The following PPOX variants were observed in gnomAD, a reference collection of about 807,000 sequenced individuals.
PPOX encodes the protein variegate porphyria.
In PPOX, 23 loss-of-function variants were observed where a neutral mutation model predicts 54.1. The observed-to-expected ratio is 0.43, with a 90% CI of 0.31 to 0.60. PPOX has a LOEUF of 0.60. PPOX is among the 20% of genes least tolerant of loss of function. The pLI is 0.13. For synonymous variants in PPOX, 224 were observed against 236.1 expected (o/e 0.95, Z 0.47); for missense variants, 512 against 601.1 (o/e 0.85, Z 1.55).
chr1:161,176,558 C>CT (rs1663599286), intron 4 of PPOX: 1 of 479,268 alleles, frequency 2.1e-6, no homozygotes, highest in South Asian at 2.5e-5. Context: ...ATCCAGCACT[C>CT]CAGCAGCGAA....
At chr1:161,167,545 C>G (rs1273098516) in intron 4 of PPOX, 59 bp downstream of exon 4, 3 of 703,218 alleles carry the variant, frequency 4.3e-6, no homozygotes, top group African/African-American at 4.4e-5. Context: ...CCTTCCATTT[C>G]TTTCTTCTTT....
downstream of PPOX, chr1:161,171,500 C>A: frequency 3.5e-6 from 2 of 579,642 alleles, no homozygotes; most frequent in East Asian, 3.0e-5. Context: ...TCACTCTTCT[C>A]TCCATGGAAG....
downstream of PPOX, chr1:161,175,924 A>C: frequency 6.2e-7 from 1 of 1,614,082 alleles, no homozygotes; most frequent in Non-Finnish European, 8.5e-7. Context: ...AGAATAGTCA[A>C]ATGTCGGTCC....
At chr1:161,175,229 C>A, downstream of PPOX, 1 of 1,611,612 alleles carries the variant, frequency 6.2e-7, no homozygotes, top group Non-Finnish European at 8.5e-7. Context: ...ACAGGACCCA[C>A]TGTTGGGAAG....
downstream of PPOX, chr1:161,175,042 G>A: frequency 1.2e-6 from 2 of 1,614,018 alleles, no homozygotes; most frequent in Non-Finnish European, 1.7e-6. Context: ...CTGCAAGAAG[G>A]GGTGCAGGTG....
At chr1:161,176,811 G>A (rs999251836) in intron 4 of PPOX, 80 of 1,514,336 alleles carry the variant, frequency 5.3e-5, no homozygotes, top group Non-Finnish European at 7.1e-5. Context: ...TTGGGGAGTG[G>A]GGACAGGACA....
In PPOX at chr1:161,169,977, G is replaced by A. The variant is rs1333628011; in HGVS notation, c.940G>A (p.Val314Ile). 2 of 1,614,140 alleles carry A rather than the reference G, an allele frequency of 1.2e-6. No individual in the cohort carries two copies. The highest frequency in any genetic ancestry group is 1.7e-5 in the Admixed American group (1 of 60,020). ...CCTGAGTGCCATCACTGCAGTGTCT[G>A]TAGCTGTGGTGAATCTGCAGTACCA... The part of the protein sequence containing the change: ...RALSAITAVS[V>I]AVVNLQYQGA... The change falls in exon 9 of 13, where the codon GTA becomes ATA. Residue 314 changes from valine to isoleucine, a missense_variant. Val to Ile is a conservative substitution (Grantham distance 29). Coordinates refer to ENST00000367999, the MANE Select transcript of PPOX (RefSeq NM_001122764.3).
At chr1:161,174,875 T>C, downstream of PPOX, 1 of 1,124,450 alleles carries the variant, frequency 8.9e-7, no homozygotes, top group Non-Finnish European at 1.3e-6. Flanking sequence ...CTCCACACTC[T>C]AACAGTCTGG....
At chr1:161,177,464 G>A (rs1420131776), downstream of PPOX, 2 of 173,376 alleles carry the variant, frequency 1.2e-5, no homozygotes, top group Non-Finnish European at 2.5e-5. Flanking sequence ...CCCAACAGCC[G>A]GGCAGGCATC....
chr1:161,166,579 G>A lies in PPOX; in HGVS notation c.-102G>A. The A allele has an allele frequency of 7.0e-7, 1 of 1,420,156 alleles. No individual in the cohort carries two copies. Among genetic ancestry groups the A allele is most frequent in the Non-Finnish European group, 9.2e-7 (1 of 1,089,430 alleles). 88.0% of individuals were successfully genotyped at this position (1,420,156 alleles called of 1,614,324 possible). On this transcript the variant is annotated 5_prime_UTR_variant, in exon 1 of 13. Transcript: ENST00000367999. ...TGCGAGGGCCGATAGCGAGGGTGTG[G>A]CCCTTATCTGCACCCAGCAGAGCGC...
rs1171098005 is a variant in PPOX, at chr1:161,166,684, C to T, written c.-9+12C>T. ...CCTACCTATTGTGGGTGAGTCCTGG[C>T]CCCTGGACGGGGACCTCGCTGTTCC... On this transcript the variant is annotated intron_variant, in intron 1 of 12. Transcript: ENST00000367999. 2.6e-6 allele frequency: 4 copies of T among 1,516,744 alleles called. No homozygotes were observed. In the African/African-American group the frequency reaches 5.5e-5, roughly 21 times the overall value. 94.0% of individuals were successfully genotyped at this position (1,516,744 alleles called of 1,614,324 possible). A position where few individuals can be genotyped will look rare whatever the true frequency, so the allele number is the denominator to read the frequency against.
chr1:161,169,117 G>T lies in PPOX; in HGVS notation c.741G>T (p.Arg247Ser), dbSNP rs149049124. 7.7e-5 allele frequency: 124 copies of T among 1,614,218 alleles called. 1 individual carries two copies. In the African/African-American group the frequency reaches 1.6e-3, roughly 21 times the overall value. ...CCCTTGAAACCCACCTGACTAGTAG[G>T]GGGGTCAGTGTTCTCAGAGGCCAGC... Reference protein sequence around the residue: ...PQALETHLTSRGVSVLRGQPV... With the variant: ...PQALETHLTSSGVSVLRGQPV... Residue 247 changes from arginine (R) to serine (S), a missense_variant, in exon 7 of 13, where the codon AGG (arginine) becomes AGT (serine). Physicochemically the swap from Arg to Ser is moderately radical, Grantham distance 110 (BLOSUM62 -1). Transcript: ENST00000367999.
intron 9 of PPOX, 101 bp from the exon 10 acceptor site, chr1:161,170,308 G>A (rs1660769639): frequency 1.3e-6 from 1 of 752,632 alleles, no homozygotes; most frequent in African/African-American, 1.7e-5. Flanking sequence ...CTGGGTGACA[G>A]AGTGAGACTC....
At chr1:161,173,283 A>C (rs552742710), downstream of PPOX, among the ~76,000 whole-genome samples, 17 of 152,318 alleles carry the variant, frequency 1.1e-4, no homozygotes, top group African/African-American at 4.1e-4. Context: ...CCCCATAGGA[A>C]GTGGCCTGGC....
chr1:161,172,667 G>A (rs1661879237), downstream of PPOX, among the ~76,000 whole-genome samples: 1 of 143,512 alleles, frequency 7.0e-6, no homozygotes, highest in South Asian at 2.3e-4. Context: ...AGAGAAGACT[G>A]GGAGTTGCTG....
downstream of PPOX, chr1:161,171,703 G>A (rs917341171): frequency 5.4e-5 from 78 of 1,444,108 alleles, no homozygotes; most frequent in South Asian, 5.3e-4. Context: ...CCCCTAGCAC[G>A]GCACCAGAGT....
upstream of PPOX, chr1:161,166,275 C>G (rs190518462): frequency 2.0e-6 from 2 of 1,007,196 alleles, no homozygotes; most frequent in East Asian, 8.9e-5. Flanking sequence ...CAGCTCGGCG[C>G]TAACACGGTT....
chr1:161,166,072 A>G, upstream of PPOX: 1 of 984,554 alleles, frequency 1.0e-6, no homozygotes, highest in Non-Finnish European at 1.2e-6. Context: ...CTGTTTATGG[A>G]GCCGCCTCCC....
At chr1:161,174,930 T>C (rs1662916747), downstream of PPOX, 1 of 1,513,514 alleles carries the variant, frequency 6.6e-7, no homozygotes, top group Non-Finnish European at 9.1e-7. Context: ...GAAAGTGAAG[T>C]GGCATGTGCT....
Sources: gnomAD v4.1 joint callset for allele counts (sites outside exome capture counted in the v4.1 genomes callset) on GRCh38, gnomAD v4.1.1 for gene constraint, MANE v1.5 for transcripts, NCBI Gene and HGNC (gene_info 2026-07-23, HGNC 2026-07-21) for gene names.